The following UPK1B variants were observed in gnomAD, a reference collection of about 807,000 sequenced individuals.
UPK1B encodes the protein uroplakin 1B.
UPK1B carries 28 observed loss-of-function variants against 34.2 expected under a neutral mutation model. That is an observed-to-expected ratio of 0.82 (90% confidence interval 0.61 to 1.12). UPK1B has a LOEUF of 1.12. UPK1B is among the 50% of genes most tolerant of loss of function. The pLI, the probability that UPK1B is intolerant of heterozygous loss-of-function variation, is 0.00. For missense variants in UPK1B, 325 were observed against 320.9 expected, an observed-to-expected ratio of 1.01 and a Z score of -0.10; for synonymous variants, 81 against 110.4, an observed-to-expected ratio of 0.73 and a Z score of 1.67.
At chr3:119,186,393 C>T (rs535198546) in intron 1 of UPK1B, among the ~76,000 whole-genome samples, 2 of 152,320 alleles carry the variant, frequency 1.3e-5, no homozygotes, top group South Asian at 4.1e-4. Flanking sequence ...GTGTGTTTGG[C>T]CCTACCCAAT....
chr3:119,194,610 A>C (rs1353188810), intron 6 of UPK1B, among the ~76,000 whole-genome samples: 1 of 152,268 alleles, frequency 6.6e-6, no homozygotes. Context: ...AATTAACAAA[A>C]CATGAGAATT....
rs78895613 is a variant in UPK1B at position 119,182,874 on chromosome 3, G to C, written c.-28-3840G>C. 2.1e-3 allele frequency among the ~76,000 whole-genome samples: 320 copies of C among 152,296 alleles called. 3 individuals are homozygous for C. The East Asian group carries it at 0.043, about 20-fold the overall frequency. On this transcript the variant is annotated intron_variant, in intron 1 of 7. Transcript: ENST00000264234. Reference sequence around the variant, plus strand: ...TTTACTTCTAAGAATTCTGGTCTTGGGGGTAGGTGGATGAGCTGTAGATTT... The same window carrying C: ...TTTACTTCTAAGAATTCTGGTCTTGCGGGTAGGTGGATGAGCTGTAGATTT...
chr3:119,175,223 TTCACCGTGTTAGCCAAGATGGTC>T (rs376225070), intron 1 of UPK1B, among the ~76,000 whole-genome samples: 2,516 of 151,700 alleles, frequency 0.017, 41 homozygotes, highest in Middle Eastern at 0.058. Context: ...GAGACGGGGT[TTCACCGTGTTAGCCAAGATGGTC>T]TCAATCTCCT....
intron 2 of UPK1B, 90 bp downstream of exon 2, chr3:119,186,900 G>A (rs1483604749): frequency 2.2e-6 from 3 of 1,358,214 alleles, no homozygotes; most frequent in Non-Finnish European, 3.1e-6. Flanking sequence ...GGAAAATAAT[G>A]CTGTGATTAC....
intron 7 of UPK1B, among the ~76,000 whole-genome samples, chr3:119,201,498 T>C (rs990105123): frequency 6.6e-6 from 1 of 152,160 alleles, no homozygotes; most frequent in Admixed American, 6.5e-5. Flanking sequence ...ACTTATTCCC[T>C]ATCACGAGAA....
intron 4 of UPK1B, 145 bp from the exon 5 acceptor site, chr3:119,190,837 C>A: frequency 1.7e-6 from 2 of 1,144,910 alleles, no homozygotes; most frequent in Non-Finnish European, 2.5e-6. Context: ...CCAACCTCAG[C>A]CAGCTGTACT....
chr3:119,197,969 T>C (rs2078073982), intron 6 of UPK1B, among the ~76,000 whole-genome samples: 1 of 152,106 alleles, frequency 6.6e-6, no homozygotes, highest in Non-Finnish European at 1.5e-5. Context: ...GGCCCTTAAG[T>C]GGGAGCAGGC....
Position 119,190,240 on chromosome 3 carries a change from TC to T in UPK1B, c.271-3del. The T allele has an allele frequency of 6.3e-7, 1 of 1,591,530 alleles. No individual in the cohort carries two copies. The highest frequency in any genetic ancestry group is 8.6e-7 in the Non-Finnish European group (1 of 1,165,400). ...ATTCTTTTATCTCATTTATTTCCCT[TC>T]CAGTATTTCATTCTGATGTTTATAG... On this transcript the variant is annotated splice_region_variant and splice_polypyrimidine_tract_variant and intron_variant, in intron 3 of 7. Transcript: ENST00000264234.
At chr3:119,191,789 G>A (rs2078046234) in intron 5 of UPK1B, among the ~76,000 whole-genome samples, 1 of 152,020 alleles carries the variant, frequency 6.6e-6, no homozygotes, top group African/African-American at 2.4e-5. Context: ...CTGGAAATTG[G>A]CTAGGTGTCC....
chr3:119,187,803 G>A lies in UPK1B; in HGVS notation c.98G>A (p.Cys33Tyr). The part of the protein sequence containing the change: ...GCCGIALTAE[C>Y]IFFVSDQHSL... ...TGCGGCATTGCCCTGACTGCGGAGT[G>A]CATCTTCTTTGTATCTGACCAACAC... The change falls in exon 3 of 8, where the codon TGC (cysteine) becomes TAC (tyrosine). Residue 33 changes from cysteine to tyrosine, a missense_variant. Transcript: ENST00000264234. 1 of 1,613,752 alleles carries A rather than the reference G, an allele frequency of 6.2e-7. No homozygotes were observed. The highest frequency in any genetic ancestry group is 1.7e-5 in the Admixed American group (1 of 59,974).
rs1413113568 is a variant in UPK1B at position 119,186,799 on chromosome 3, G to C, written c.58G>C (p.Val20Leu). The change falls in exon 2 of 8, where the codon GTG (valine) becomes CTG (leucine). Residue 20 changes from valine (V) to leucine (L), a missense_variant. Coordinates refer to ENST00000264234, the MANE Select transcript of UPK1B (RefSeq NM_006952.4). ...CFQGLLIFGN[V>L]IIGCCGIALT... Reference sequence around the variant, plus strand: ...CCAGGGCCTGCTGATTTTTGGAAATGTGATTATTGGTGTAAGTAATGATTA... The same window carrying C: ...CCAGGGCCTGCTGATTTTTGGAAATCTGATTATTGGTGTAAGTAATGATTA... 3.7e-6 allele frequency: 6 copies of C among 1,614,088 alleles called. No homozygotes were observed. Among genetic ancestry groups the C allele is most frequent in the Non-Finnish European group, 3.4e-6 (4 of 1,179,942 alleles).
chr3:119,196,924 G>A (rs931514026), intron 6 of UPK1B, among the ~76,000 whole-genome samples: 1 of 151,994 alleles, frequency 6.6e-6, no homozygotes, highest in Non-Finnish European at 1.5e-5. Flanking sequence ...GCTTATTGCA[G>A]CCTCAAGCTC....
chr3:119,178,430 G>A (rs533485101), intron 1 of UPK1B, among the ~76,000 whole-genome samples: 1 of 152,254 alleles, frequency 6.6e-6, no homozygotes, highest in African/African-American at 2.4e-5. Flanking sequence ...TAGGCTACAG[G>A]GAACCTTTGA....
At chr3:119,200,467 A>G (rs1311140330) in intron 7 of UPK1B, among the ~76,000 whole-genome samples, 1 of 152,268 alleles carries the variant, frequency 6.6e-6, no homozygotes, top group Non-Finnish European at 1.5e-5. Flanking sequence ...TGCACTTTGC[A>G]TATATCTTTC....
intron 5 of UPK1B, among the ~76,000 whole-genome samples, chr3:119,191,355 C>T (rs2078043424): frequency 6.6e-6 from 1 of 152,140 alleles, no homozygotes; most frequent in Non-Finnish European, 1.5e-5. Context: ...CTGCCTGTTT[C>T]GCCTTTTGGG....
chr3:119,188,885 TTAAC>T, intron 3 of UPK1B, among the ~76,000 whole-genome samples: 1 of 152,210 alleles, frequency 6.6e-6, no homozygotes, highest in Non-Finnish European at 1.5e-5. Context: ...ACTCTTCCTT[TTAAC>T]TAACCACTGT....
At chr3:119,178,901 G>A (rs764198736) in intron 1 of UPK1B, among the ~76,000 whole-genome samples, 1 of 152,126 alleles carries the variant, frequency 6.6e-6, no homozygotes, top group African/African-American at 2.4e-5. Context: ...GAAGTTAGGG[G>A]CTGGCAGTGG....
chr3:119,183,537 C>G (rs2077999304), intron 1 of UPK1B, among the ~76,000 whole-genome samples: 4 of 152,160 alleles, frequency 2.6e-5, no homozygotes, highest in Admixed American at 2.0e-4. Context: ...GCTGGGATTA[C>G]AGGCGTGAAC....
intron 1 of UPK1B, among the ~76,000 whole-genome samples, chr3:119,180,673 T>C (rs1422905703): frequency 1.1e-4 from 2 of 17,412 alleles, no homozygotes; most frequent in Non-Finnish European, 2.5e-4. Context: ...TCATAATGTC[T>C]TTTTTTTTTT....
Sources: allele counts gnomAD v4.1 joint callset (sites outside exome capture counted in the v4.1 genomes callset), GRCh38; gene constraint gnomAD v4.1.1; transcripts MANE v1.5; gene names NCBI Gene and HGNC (gene_info 2026-07-23, HGNC 2026-07-21).